PRKG1: variants seen among roughly 807,000 people sequenced by gnomAD.
PRKG1 encodes the protein cGMP-dependent protein kinase 1.
In PRKG1, 35 loss-of-function variants were observed where a neutral mutation model predicts 88.1. The ratio of observed to expected loss-of-function variants is 0.40; its 90% CI spans 0.30 to 0.53. The LOEUF (loss-of-function observed/expected upper bound fraction) is 0.53, where lower values mean the gene tolerates loss of function less well. PRKG1 is among the 20% of genes least tolerant of loss of function. The probability of loss-of-function intolerance (pLI) is 0.59; values close to 1 mark genes in which losing one functional copy is unlikely to be tolerated. For missense variants in PRKG1, 540 were observed against 839.8 expected (o/e 0.64, Z 4.41); for synonymous variants, 303 against 292.5 (o/e 1.04, Z -0.37).
At chr10:51,649,653 A>T (rs1839992795) in intron 3 of PRKG1, among the ~76,000 whole-genome samples, 1 of 152,234 alleles carries the variant, frequency 6.6e-6, no homozygotes, top group African/African-American at 2.4e-5. Context: ...CGAAGCAAGG[A>T]AAGAATGAAG....
At chr10:52,058,631 C>T (rs1846165470) in intron 6 of PRKG1, among the ~76,000 whole-genome samples, 1 of 151,868 alleles carries the variant, frequency 6.6e-6, no homozygotes, top group African/African-American at 2.4e-5. Flanking sequence ...ACAGGGGAAC[C>T]TTGACCTAGA....
intron 1 of PRKG1, among the ~76,000 whole-genome samples, chr10:51,045,123 G>T (rs868006258): frequency 5.3e-5 from 8 of 152,070 alleles, no homozygotes; most frequent in Admixed American, 2.6e-4. Flanking sequence ...TACTTTTATT[G>T]CTTGGTGAAA....
intron 8 of PRKG1, among the ~76,000 whole-genome samples, chr10:52,160,730 A>G (rs1306256163): frequency 6.6e-6 from 1 of 152,068 alleles, no homozygotes; most frequent in Non-Finnish European, 1.5e-5. Flanking sequence ...TGCATAACTT[A>G]TTGTTTAATA....
At chr10:51,831,801 T>A (rs1840011924) in intron 4 of PRKG1, among the ~76,000 whole-genome samples, 1 of 152,130 alleles carries the variant, frequency 6.6e-6, no homozygotes, top group Non-Finnish European at 1.5e-5. Context: ...TACATTGAAT[T>A]GTCCAGAATT....
chr10:51,696,820 T>C (rs1463097819), intron 3 of PRKG1: 3 of 152,282 alleles, frequency 2.0e-5, no homozygotes, highest in Non-Finnish European at 2.9e-5. Context: ...ATACCATTTA[T>C]AACTCATCTA....
intron 1 of PRKG1, among the ~76,000 whole-genome samples, chr10:51,079,253 C>T (rs1311227111): frequency 6.6e-6 from 1 of 151,980 alleles, no homozygotes; most frequent in Non-Finnish European, 1.5e-5. Flanking sequence ...CAATACTGCA[C>T]AAGTAAATAT....
intron 2 of PRKG1, among the ~76,000 whole-genome samples, chr10:51,454,295 C>G (rs1839520007): frequency 6.6e-6 from 1 of 151,954 alleles, no homozygotes. Context: ...CAAAGCAAGG[C>G]TAAGCAAAAT....
chr10:51,255,168 T>C (rs994141612), intron 2 of PRKG1, among the ~76,000 whole-genome samples: 1 of 152,112 alleles, frequency 6.6e-6, no homozygotes, highest in Non-Finnish European at 1.5e-5. Flanking sequence ...TTTAAGAATA[T>C]AAATAATTTG....
chr10:52,273,378 T>C (rs1281332114), intron 12 of PRKG1, among the ~76,000 whole-genome samples: 1 of 152,110 alleles, frequency 6.6e-6, no homozygotes, highest in Non-Finnish European at 1.5e-5. Flanking sequence ...TTCTTATTTG[T>C]TTGAGTCCTG....
At chr10:51,326,136 G>T (rs1841587393) in intron 2 of PRKG1, among the ~76,000 whole-genome samples, 1 of 152,166 alleles carries the variant, frequency 6.6e-6, no homozygotes, top group Admixed American at 6.5e-5. Context: ...TGAAGCAGTT[G>T]AATAGACTTA....
At chr10:51,039,259 T>C (rs1489483085) in intron 1 of PRKG1, among the ~76,000 whole-genome samples, 2 of 152,232 alleles carry the variant, frequency 1.3e-5, no homozygotes, top group Non-Finnish European at 2.9e-5. Flanking sequence ...TTGCCTGTTT[T>C]TGGAAAAAAG....
At chr10:51,293,781 G>T (rs1049098309) in intron 2 of PRKG1, among the ~76,000 whole-genome samples, 1 of 152,054 alleles carries the variant, frequency 6.6e-6, no homozygotes, top group African/African-American at 2.4e-5. Flanking sequence ...TTACCTTTCT[G>T]AGGAACTTCC....
rs150142858 is a variant in PRKG1, at chr10:51,587,157, C to T, written c.592+119321C>T. 5.7e-3 allele frequency among the ~76,000 whole-genome samples: 871 copies of T among 152,180 alleles called. 8 individuals carry two copies. The highest frequency in any genetic ancestry group is 0.02 in the African/African-American group (835 of 41,542). On this transcript the variant is annotated intron_variant, in intron 3 of 17. Coordinates refer to ENST00000373980, the MANE Select transcript of PRKG1 (RefSeq NM_006258.4). ...TGAGAAATGTAGGAACTGGCTCCTT[C>T]TAGTTGGAAGACTTCTAAAACTTAA...
intron 3 of PRKG1, among the ~76,000 whole-genome samples, chr10:51,765,519 T>A (rs541017774): frequency 2.6e-5 from 4 of 152,330 alleles, no homozygotes; most frequent in Non-Finnish European, 5.9e-5. Flanking sequence ...CTGCATTAAC[T>A]TAATTATTCT....
intron 2 of PRKG1, among the ~76,000 whole-genome samples, chr10:51,255,072 G>A (rs541213603): frequency 2.6e-5 from 4 of 152,176 alleles, no homozygotes; most frequent in South Asian, 2.1e-4. Context: ...TGGCCTTCCA[G>A]CATATATGAA....
intron 9 of PRKG1, among the ~76,000 whole-genome samples, chr10:52,173,989 A>G (rs1475721508): frequency 6.6e-6 from 1 of 152,158 alleles, no homozygotes; most frequent in East Asian, 1.9e-4. Context: ...AATTTGGTTC[A>G]GCCCAGTATG....
intron 3 of PRKG1, among the ~76,000 whole-genome samples, chr10:51,598,199 T>G (rs908629653): frequency 6.6e-6 from 1 of 152,034 alleles, no homozygotes; most frequent in Non-Finnish European, 1.5e-5. Context: ...TACTAGCATC[T>G]AAAGACTACT....
intron 3 of PRKG1, among the ~76,000 whole-genome samples, chr10:51,657,891 G>A (rs1391438174): frequency 6.6e-6 from 1 of 152,142 alleles, no homozygotes; most frequent in African/African-American, 2.4e-5. Context: ...CCAGGGTACT[G>A]GGCTCCAGTG....
intron 12 of PRKG1, among the ~76,000 whole-genome samples, chr10:52,276,083 G>A (rs1006218968): frequency 6.6e-6 from 1 of 152,088 alleles, no homozygotes; most frequent in African/African-American, 2.4e-5. Context: ...GGAGCTTCCT[G>A]GAAGAGTCCT....
Sources: gnomAD v4.1 joint callset for allele counts (sites outside exome capture counted in the v4.1 genomes callset) on GRCh38, gnomAD v4.1.1 for gene constraint, MANE v1.5 for transcripts, NCBI Gene and HGNC (gene_info 2026-07-23, HGNC 2026-07-21) for gene names.